ADAMTS16: variants seen among roughly 807,000 people sequenced by gnomAD.
ADAMTS16 encodes the protein ADAM metallopeptidase with thrombospondin type 1 motif 16, also known as A disintegrin and metalloproteinase with thrombospondin motifs 16.
Under a neutral mutation model 145.8 loss-of-function variants are expected in ADAMTS16, and 94 were observed. That is an observed-to-expected ratio of 0.64 (90% CI 0.55 to 0.77). ADAMTS16 has a LOEUF of 0.77. Ranked by LOEUF, ADAMTS16 falls within the 30% of genes least tolerant of loss-of-function variation. The pLI is 0.00. For missense variants in ADAMTS16, 1,585 were observed against 1,591.5 expected (o/e 1.00, Z 0.07); for synonymous variants, 659 against 604.3 (o/e 1.09, Z -1.33).
intron 18 of ADAMTS16, among the ~76,000 whole-genome samples, chr5:5,292,685 G>A (rs1390283523): frequency 1.3e-5 from 2 of 151,992 alleles, no homozygotes; most frequent in Non-Finnish European, 2.9e-5. Context: ...GCCTCCTCCA[G>A]TGTCTTCACG....
chr5:5,235,306 G>T (rs1737072904), intron 13 of ADAMTS16, 120 bp downstream of exon 13: 1 of 1,088,834 alleles, frequency 9.2e-7, no homozygotes, highest in Non-Finnish European at 1.2e-6. Flanking sequence ...GGAGGTGAGG[G>T]TCGCATATTC....
At chr5:5,223,833 C>T (rs1329890340) in intron 11 of ADAMTS16, 1 of 150,980 alleles carries the variant, frequency 6.6e-6, no homozygotes, top group Non-Finnish European at 1.5e-5. Context: ...CACATTATCA[C>T]TATAACTATT....
At chr5:5,234,261 T>A (rs1737027833) in intron 12 of ADAMTS16, among the ~76,000 whole-genome samples, 1 of 152,214 alleles carries the variant, frequency 6.6e-6, no homozygotes, top group Admixed American at 6.5e-5. Flanking sequence ...GGTCTTTGGG[T>A]CCTGGCCTTG....
chr5:5,198,240 G>T (rs1735861366), intron 8 of ADAMTS16, among the ~76,000 whole-genome samples: 1 of 152,136 alleles, frequency 6.6e-6, no homozygotes, highest in Admixed American at 6.5e-5. Context: ...TCTCCCTAAG[G>T]CAGCCTCCCA....
At chr5:5,168,377 A>G (rs529829772) in intron 3 of ADAMTS16, among the ~76,000 whole-genome samples, 1 of 145,762 alleles carries the variant, frequency 6.9e-6, no homozygotes, top group Admixed American at 6.9e-5. Flanking sequence ...TATTATTATT[A>G]TTATTATTTT....
chr5:5,144,369 T>G lies in ADAMTS16; in HGVS notation c.176-1761T>G, dbSNP rs1842235. On this transcript the variant is annotated intron_variant, in intron 2 of 22. Coordinates refer to ENST00000274181, the MANE Select transcript of ADAMTS16 (RefSeq NM_139056.4). Reference sequence around the variant, plus strand: ...ACAACGTACTTTGAAAGCTCATTATTTGATCAACTTTGCCTCATGTGGTGA... The same window carrying G: ...ACAACGTACTTTGAAAGCTCATTATGTGATCAACTTTGCCTCATGTGGTGA... Among the ~76,000 whole-genome samples, 30 of 152,336 alleles carry G rather than the reference T, an allele frequency of 2.0e-4. No homozygotes were observed. In the East Asian group the frequency reaches 5.6e-3, roughly 28 times the overall value.
intron 11 of ADAMTS16, among the ~76,000 whole-genome samples, chr5:5,230,840 T>C (rs896703507): frequency 1.3e-5 from 2 of 152,218 alleles, no homozygotes; most frequent in African/African-American, 4.8e-5. Context: ...ACAGCGCTCC[T>C]GTCTTCCACT....
chr5:5,210,286 C>T (rs1736239503), intron 10 of ADAMTS16, among the ~76,000 whole-genome samples: 1 of 152,032 alleles, frequency 6.6e-6, no homozygotes, highest in Non-Finnish European at 1.5e-5. Context: ...GATTGTGCTT[C>T]TGGTTTCCAT....
intron 18 of ADAMTS16, among the ~76,000 whole-genome samples, chr5:5,295,283 C>T: frequency 6.6e-6 from 1 of 152,180 alleles, no homozygotes; most frequent in East Asian, 1.9e-4. Flanking sequence ...TTGTCTCAGC[C>T]ACACCTAATT....
intron 14 of ADAMTS16, among the ~76,000 whole-genome samples, chr5:5,238,874 A>G (rs1737198490): frequency 6.6e-6 from 1 of 152,240 alleles, no homozygotes; most frequent in Non-Finnish European, 1.5e-5. Flanking sequence ...CATCGCTCCA[A>G]CATGACAACC....
chr5:5,205,669 C>T (rs1736085039), intron 9 of ADAMTS16, among the ~76,000 whole-genome samples: 1 of 152,186 alleles, frequency 6.6e-6, no homozygotes, highest in Non-Finnish European at 1.5e-5. Context: ...TGATGTTTGC[C>T]TTTGCAATTC....
chr5:5,301,372 C>T (rs71596753), intron 18 of ADAMTS16, among the ~76,000 whole-genome samples: 9,886 of 152,296 alleles, frequency 0.065, 436 homozygotes, highest in South Asian at 0.12. Flanking sequence ...CGTGAGCTAC[C>T]ACACCCAGCC....
At position 5,189,996 on chromosome 5, in the gene ADAMTS16, C is replaced by G. The variant is rs769913158; in HGVS notation, c.1073C>G (p.Ala358Gly). ...CCAGGACTGGTGATAAGTCACCACG[C>G]AGACCACACCTTAAGTAGCTTCTGC... The part of the protein sequence containing the change: ...EQPGLVISHH[A>G]DHTLSSFCQW... Residue 358 changes from alanine (A) to glycine (G), a missense_variant, in exon 7 of 23, where the codon GCA becomes GGA. By Grantham distance (60) the Ala-to-Gly change is moderately conservative. This residue lies in a region of ADAMTS16 where 298 missense variants were observed against 367.6 expected (regional missense o/e 0.81). Coordinates refer to ENST00000274181, the MANE Select transcript of ADAMTS16 (RefSeq NM_139056.4). 1 of 1,611,304 alleles carries G rather than the reference C, an allele frequency of 6.2e-7. No homozygotes were observed. The highest frequency in any genetic ancestry group is 8.5e-7 in the Non-Finnish European group (1 of 1,178,962).
At chr5:5,225,601 C>CA (rs1256541960) in intron 11 of ADAMTS16, among the ~76,000 whole-genome samples, 3,720 of 80,222 alleles carry the variant, frequency 0.046, 161 homozygotes, top group African/African-American at 0.13. Flanking sequence ...GACTTGGTTT[C>CA]AAAAAAAAAA....
chr5:5,243,598 A>G (rs1220704762), intron 17 of ADAMTS16, among the ~76,000 whole-genome samples: 1 of 152,234 alleles, frequency 6.6e-6, no homozygotes, highest in East Asian at 1.9e-4. Context: ...AATAAATAGT[A>G]GTTGGTTAGG....
chr5:5,298,447 C>G (rs143911843), intron 18 of ADAMTS16, among the ~76,000 whole-genome samples: 2 of 151,956 alleles, frequency 1.3e-5, no homozygotes, highest in East Asian at 3.9e-4. Flanking sequence ...CGTCCTTTGT[C>G]CTAGACCCAT....
intron 18 of ADAMTS16, among the ~76,000 whole-genome samples, chr5:5,272,152 T>C (rs2126453816): frequency 6.6e-6 from 1 of 151,976 alleles, no homozygotes; most frequent in Non-Finnish European, 1.5e-5. Context: ...GTTGCTTAGG[T>C]GGTGTTTGTG....
chr5:5,254,126 T>G (rs773319485), intron 17 of ADAMTS16, among the ~76,000 whole-genome samples: 3 of 152,208 alleles, frequency 2.0e-5, no homozygotes, highest in Non-Finnish European at 4.4e-5. Flanking sequence ...CAAAGACTTC[T>G]CTGGGCTTTT....
chr5:5,146,486 G>A (rs1734301305), intron 3 of ADAMTS16, 31 bp downstream of exon 3: 2 of 1,565,130 alleles, frequency 1.3e-6, no homozygotes, highest in African/African-American at 2.7e-5. Flanking sequence ...AGGTAGGGAG[G>A]CGAGGTTGGT....
Sources: gnomAD v4.1 joint callset for allele counts (sites outside exome capture counted in the v4.1 genomes callset) on GRCh38, gnomAD v4.1.1 for gene constraint, gnomAD v4.1.1 regional missense constraint, MANE v1.5 for transcripts, NCBI Gene and HGNC (gene_info 2026-07-23, HGNC 2026-07-21) for gene names.